CTNNA2: variants seen among roughly 807,000 people sequenced by gnomAD.
CTNNA2 encodes the protein catenin alpha 2, also known as catenin alpha-2.
In CTNNA2, 42 loss-of-function variants were observed where a neutral mutation model predicts 101.0. That is an observed-to-expected ratio of 0.42 (90% CI 0.32 to 0.54). The LOEUF (loss-of-function observed/expected upper bound fraction) is 0.54. CTNNA2 is among the 20% of genes least tolerant of loss of function. The pLI is 0.14. For missense variants in CTNNA2, 871 were observed against 1,223.1 expected, an observed-to-expected ratio of 0.71 and a Z score of 4.29; for synonymous variants, 450 against 456.4, an observed-to-expected ratio of 0.99 and a Z score of 0.18.
At chr2:79,857,216 C>T (rs1681210952) in intron 3 of CTNNA2, among the ~76,000 whole-genome samples, 8 of 152,300 alleles carry the variant, frequency 5.3e-5, no homozygotes, top group African/African-American at 1.7e-4. Context: ...TTAAAATGGA[C>T]AGCTTCCCCC....
At chr2:79,418,700 T>C (rs1678509333) in intron 4 of CTNNA2, among the ~76,000 whole-genome samples, 1 of 152,044 alleles carries the variant, frequency 6.6e-6, no homozygotes, top group South Asian at 2.1e-4. Context: ...TTGTGAAGAT[T>C]AAAGAAGGCA....
intron 7 of CTNNA2, among the ~76,000 whole-genome samples, chr2:79,923,590 G>A (rs1553404892): frequency 1.3e-5 from 2 of 152,092 alleles, no homozygotes; most frequent in Non-Finnish European, 2.9e-5. Flanking sequence ...TGTGTGATGA[G>A]CAGGTATAAA....
At chr2:80,535,687 C>T (rs1418357858) in intron 9 of CTNNA2, among the ~76,000 whole-genome samples, 1 of 152,106 alleles carries the variant, frequency 6.6e-6, no homozygotes, top group Non-Finnish European at 1.5e-5. Context: ...AAAGTGATTC[C>T]ACTTCCTCCT....
intron 6 of CTNNA2, among the ~76,000 whole-genome samples, chr2:79,891,808 A>G (rs1274737162): frequency 1.3e-5 from 2 of 152,102 alleles, no homozygotes; most frequent in Non-Finnish European, 2.9e-5. Context: ...TGAAAATGCA[A>G]AACAACCTGA....
At chr2:79,733,892 A>G (rs533044742) in intron 2 of CTNNA2, among the ~76,000 whole-genome samples, 1 of 152,228 alleles carries the variant, frequency 6.6e-6, no homozygotes, top group Non-Finnish European at 1.5e-5. Flanking sequence ...AAGATGATGA[A>G]TGTTGGGATA....
At chr2:79,857,410 A>G (rs928492667) in intron 3 of CTNNA2, among the ~76,000 whole-genome samples, 6 of 152,242 alleles carry the variant, frequency 3.9e-5, no homozygotes, top group African/African-American at 9.6e-5. Flanking sequence ...AGCCTAGTAC[A>G]GAATCTGACA....
intron 7 of CTNNA2, chr2:80,162,324 A>G (rs1704375411): frequency 1.1e-6 from 1 of 946,046 alleles, no homozygotes; most frequent in East Asian, 2.7e-5. Context: ...CTTTAAAAAA[A>G]TGTATAAAGA....
At chr2:80,005,051 A>C (rs770404600) in intron 7 of CTNNA2, among the ~76,000 whole-genome samples, 1 of 152,150 alleles carries the variant, frequency 6.6e-6, no homozygotes, top group Non-Finnish European at 1.5e-5. Flanking sequence ...CTTTATTAAA[A>C]GGTCTTGCCC....
At chr2:80,590,419 T>C (rs1247756033) in intron 15 of CTNNA2, among the ~76,000 whole-genome samples, 1 of 146,666 alleles carries the variant, frequency 6.8e-6, no homozygotes, top group Non-Finnish European at 1.5e-5. Context: ...ATATAAACTA[T>C]GGTTTTACTG....
chr2:79,601,919 A>G (rs147459068), intron 1 of CTNNA2, among the ~76,000 whole-genome samples: 2 of 152,352 alleles, frequency 1.3e-5, no homozygotes, highest in East Asian at 3.9e-4. Flanking sequence ...AGTCTAGCTT[A>G]CCTTAAACAT....
intron 6 of CTNNA2, among the ~76,000 whole-genome samples, chr2:79,881,616 A>G (rs1375218826): frequency 1.3e-5 from 2 of 151,892 alleles, no homozygotes; most frequent in Non-Finnish European, 2.9e-5. Context: ...TTTGTCAAAG[A>G]CTAGGTTTGC....
intron 7 of CTNNA2, among the ~76,000 whole-genome samples, chr2:80,047,720 G>A (rs546571364): frequency 1.3e-5 from 2 of 152,242 alleles, no homozygotes; most frequent in South Asian, 4.2e-4. Flanking sequence ...CTACCCACAG[G>A]GGAAGGATTC....
intron 7 of CTNNA2, among the ~76,000 whole-genome samples, chr2:80,295,949 G>GT (rs1242838933): frequency 3.3e-5 from 5 of 152,132 alleles, no homozygotes; most frequent in African/African-American, 1.2e-4. Context: ...TGCAGTTCTT[G>GT]TATCTCTAGA....
intron 7 of CTNNA2, among the ~76,000 whole-genome samples, chr2:80,338,777 T>C (rs1671977576): frequency 6.6e-6 from 1 of 152,180 alleles, no homozygotes; most frequent in African/African-American, 2.4e-5. Context: ...TCCTGGTAGT[T>C]TTCCTAATGA....
chr2:80,493,607 ATTATC>A lies in CTNNA2; in HGVS notation c.1291-51370_1291-51366del, dbSNP rs543025528. ...AGTGAATCCATTTGGGTTCCTAATTATTATCTTATGGGAATCACTTGGACTAAGGA... is the reference window on the plus strand; with the variant it reads ...AGTGAATCCATTTGGGTTCCTAATTATTATGGGAATCACTTGGACTAAGGA... On this transcript the variant is annotated intron_variant, in intron 9 of 18. Coordinates refer to ENST00000402739, the MANE Select transcript of CTNNA2 (RefSeq NM_001282597.3). Among the ~76,000 whole-genome samples, 83 of 152,294 alleles carry A rather than the reference ATTATC, an allele frequency of 5.4e-4. No homozygotes were observed. In the East Asian group the frequency reaches 6.0e-3, roughly 11 times the overall value.
intron 4 of CTNNA2, among the ~76,000 whole-genome samples, chr2:79,385,233 A>G (rs911612211): frequency 1.3e-5 from 2 of 152,142 alleles, no homozygotes; most frequent in Non-Finnish European, 2.9e-5. Flanking sequence ...CTTCATGAGT[A>G]TTAGCAGGTA....
At chr2:80,190,856 A>G (rs975250245) in intron 7 of CTNNA2, among the ~76,000 whole-genome samples, 1 of 152,182 alleles carries the variant, frequency 6.6e-6, no homozygotes, top group Non-Finnish European at 1.5e-5. Flanking sequence ...TGCAACAGCA[A>G]TGTCCATCTC....
chr2:79,705,802 A>G (rs753045569), intron 2 of CTNNA2, among the ~76,000 whole-genome samples: 2 of 152,226 alleles, frequency 1.3e-5, no homozygotes, highest in African/African-American at 2.4e-5. Context: ...TTTCTCTACT[A>G]TCTAGCACAC....
intron 3 of CTNNA2, among the ~76,000 whole-genome samples, chr2:79,361,505 G>T (rs1677628651): frequency 6.6e-6 from 1 of 152,108 alleles, no homozygotes; most frequent in South Asian, 2.1e-4. Flanking sequence ...TGTCTATGAG[G>T]TATCATTTTA....
Sources: gnomAD v4.1 joint callset for allele counts (sites outside exome capture counted in the v4.1 genomes callset) on GRCh38, gnomAD v4.1.1 for gene constraint, MANE v1.5 for transcripts, NCBI Gene and HGNC (gene_info 2026-07-23, HGNC 2026-07-21) for gene names.